RGS7: variants seen among roughly 807,000 people sequenced by gnomAD.
RGS7 encodes the protein regulator of G protein signaling 7.
Under a neutral mutation model 81.1 loss-of-function variants are expected in RGS7, and 27 were observed. The ratio of observed to expected loss-of-function variants is 0.33; its 90% CI spans 0.25 to 0.46. The LOEUF (loss-of-function observed/expected upper bound fraction) is 0.46, where lower values mean the gene tolerates loss of function less well. Ranked by LOEUF, RGS7 falls within the 20% of genes least tolerant of loss-of-function variation. The pLI, the probability that RGS7 is intolerant of heterozygous loss-of-function variation, is 1.00. For synonymous variants in RGS7, 208 were observed against 207.7 expected, an observed-to-expected ratio of 1.00 and a Z score of -0.01; for missense variants, 396 against 607.4, an observed-to-expected ratio of 0.65 and a Z score of 3.66.
At chr1:241,096,586 A>G (rs74150215) in intron 3 of RGS7, among the ~76,000 whole-genome samples, 9,656 of 152,282 alleles carry the variant, frequency 0.063, 376 homozygotes, top group African/African-American at 0.097. Flanking sequence ...GTTATTTTAC[A>G]GCAGTGAACA....
At chr1:241,051,650 G>A (rs990128228) in intron 3 of RGS7, among the ~76,000 whole-genome samples, 3 of 150,646 alleles carry the variant, frequency 2.0e-5, no homozygotes, top group Non-Finnish European at 2.9e-5. Flanking sequence ...AATAACTTCC[G>A]TGGGTAGAGA....
chr1:241,301,235 T>A (rs997175080), intron 2 of RGS7, among the ~76,000 whole-genome samples: 3 of 152,348 alleles, frequency 2.0e-5, no homozygotes, highest in Middle Eastern at 6.8e-3. Context: ...AGCAAATACA[T>A]GCTAGAGCAA....
At chr1:241,303,573 C>A (rs2079900929) in intron 2 of RGS7, among the ~76,000 whole-genome samples, 1 of 152,172 alleles carries the variant, frequency 6.6e-6, no homozygotes, top group African/African-American at 2.4e-5. Flanking sequence ...CTACTCTACA[C>A]AATGGTCATA....
At chr1:241,283,038 G>A (rs2078609475) in intron 2 of RGS7, among the ~76,000 whole-genome samples, 1 of 152,108 alleles carries the variant, frequency 6.6e-6, no homozygotes, top group South Asian at 2.1e-4. Context: ...CAGTTTGAGT[G>A]AAGTACAGAA....
intron 2 of RGS7, among the ~76,000 whole-genome samples, chr1:241,324,140 G>T (rs2081360738): frequency 6.6e-6 from 1 of 152,172 alleles, no homozygotes; most frequent in African/African-American, 2.4e-5. Flanking sequence ...TGACAACAAT[G>T]ATGATAATTT....
In RGS7 at chr1:240,827,059, A is replaced by G. The variant is rs773636141; in HGVS notation, c.684+39T>C. The G allele has an allele frequency of 4.0e-6, 6 of 1,505,894 alleles. No individual in the cohort carries two copies. The East Asian group carries it at 6.8e-5, about 17-fold the overall frequency. The allele number at this position is 1,505,894 out of a possible 1,614,324, so 93.3% of individuals were successfully genotyped here. On this transcript the variant is annotated intron_variant, in intron 10 of 18. Coordinates refer to ENST00000440928, the MANE Select transcript of RGS7 (RefSeq NM_001364886.1). Reference sequence around the variant, plus strand: ...TGGCTGACGTCCTGTAAACAATGCAATCCATCACCAAGATCAGCACAACAA... The same window carrying G: ...TGGCTGACGTCCTGTAAACAATGCAGTCCATCACCAAGATCAGCACAACAA...
chr1:241,349,872 T>C (rs961633432), intron 2 of RGS7, among the ~76,000 whole-genome samples: 3 of 152,184 alleles, frequency 2.0e-5, no homozygotes, highest in African/African-American at 7.2e-5. Flanking sequence ...CCACATTCTC[T>C]GCAGTGATCA....
Position 240,868,960 on chromosome 1 carries a change from G to C in RGS7, c.451-108C>G, listed in dbSNP as rs114870302. ...AGGAAACAAATAGAGAGTTTCTAAA[G>C]CCCTAAGTGTACTGTGGTTCTCAAT... is the stretch of plus-strand genomic sequence containing the variant. On this transcript the variant is annotated intron_variant, in intron 7 of 18. Transcript: ENST00000440928. The surrounding 1 kb of genome is among the most constrained non-coding windows in gnomAD (Gnocchi z 5.1). 1.5e-3 allele frequency: 1,492 copies of C among 985,092 alleles called. 23 individuals carry two copies. In the African/African-American group the frequency reaches 0.021, roughly 14 times the overall value. 61.0% of individuals were successfully genotyped at this position (985,092 alleles called of 1,614,324 possible). A position where few individuals can be genotyped will look rare whatever the true frequency, so the allele number is the denominator to read the frequency against.
chr1:240,869,326 G>T (rs1324304370), intron 7 of RGS7, among the ~76,000 whole-genome samples: 1 of 151,966 alleles, frequency 6.6e-6, no homozygotes, highest in Non-Finnish European at 1.5e-5. Flanking sequence ...ATCTAACATA[G>T]CAACCATCTG....
chr1:241,126,438 A>G (rs1326686089), intron 2 of RGS7, among the ~76,000 whole-genome samples: 1 of 152,134 alleles, frequency 6.6e-6, no homozygotes, highest in Non-Finnish European at 1.5e-5. Flanking sequence ...TACAAGCCAC[A>G]GTGCCTGGCC....
intron 6 of RGS7, among the ~76,000 whole-genome samples, chr1:240,922,098 G>A (rs569989027): frequency 2.6e-5 from 4 of 151,792 alleles, no homozygotes; most frequent in Non-Finnish European, 5.9e-5. Flanking sequence ...ACTTAGACAA[G>A]GTAGAAAAGG....
intron 9 of RGS7, among the ~76,000 whole-genome samples, chr1:240,838,774 T>A (rs1392335793): frequency 5.9e-5 from 9 of 151,676 alleles, no homozygotes; most frequent in African/African-American, 9.7e-5. Flanking sequence ...TTTATTATTT[T>A]TTTTTTTTTT....
chr1:241,150,937 C>T (rs1010765069), intron 2 of RGS7, among the ~76,000 whole-genome samples: 6 of 152,122 alleles, frequency 3.9e-5, no homozygotes, highest in African/African-American at 7.2e-5. Context: ...AGTCCAAAGG[C>T]GGGAAAACCT....
intron 2 of RGS7, among the ~76,000 whole-genome samples, chr1:241,158,849 C>T (rs997522344): frequency 2.0e-5 from 3 of 152,116 alleles, no homozygotes; most frequent in Non-Finnish European, 4.4e-5. Context: ...TCCCAAAAGC[C>T]ACATTGAAGT....
At chr1:241,094,632 C>CAAAAAT (rs10641556) in intron 3 of RGS7, among the ~76,000 whole-genome samples, 2 of 152,082 alleles carry the variant, frequency 1.3e-5, no homozygotes, top group African/African-American at 4.8e-5. Context: ...AAAACAAAAA[C>CAAAAAT]AAAGAAAAGT....
At chr1:240,805,561 A>G (rs1688701849) in intron 15 of RGS7, among the ~76,000 whole-genome samples, 1 of 152,198 alleles carries the variant, frequency 6.6e-6, no homozygotes, top group African/African-American at 2.4e-5. Context: ...GGAAGTTAGA[A>G]TCAGTTTTCC....
At chr1:240,910,644 C>G (rs1314620274) in intron 6 of RGS7, among the ~76,000 whole-genome samples, 1 of 152,096 alleles carries the variant, frequency 6.6e-6, no homozygotes, top group East Asian at 1.9e-4. Context: ...TGCTAATTAC[C>G]CTGATCTAAT....
chr1:241,136,254 T>C (rs1413383330), intron 2 of RGS7, among the ~76,000 whole-genome samples: 2 of 152,136 alleles, frequency 1.3e-5, no homozygotes, highest in African/African-American at 4.8e-5. Flanking sequence ...AAGCTCCTCA[T>C]TACTTCAGGA....
chr1:241,086,560 A>C (rs1384877003), intron 3 of RGS7, among the ~76,000 whole-genome samples: 4 of 151,968 alleles, frequency 2.6e-5, no homozygotes, highest in African/African-American at 9.7e-5. Flanking sequence ...CTACAGCCAC[A>C]GTACCCAGCC....
Sources: gnomAD v4.1 joint callset for allele counts (sites outside exome capture counted in the v4.1 genomes callset) on GRCh38, gnomAD v4.1.1 for gene constraint, Gnocchi (gnomAD v3.1) non-coding constraint, MANE v1.5 for transcripts, NCBI Gene and HGNC (gene_info 2026-07-23, HGNC 2026-07-21) for gene names.